The following TPD52 variants were observed in gnomAD, a reference collection of about 807,000 sequenced individuals.
The protein encoded by TPD52 is prostate and colon associated protein.
TPD52 carries 17 observed loss-of-function variants against 31.3 expected under a neutral mutation model. The ratio of observed to expected loss-of-function variants is 0.54; its 90% CI spans 0.37 to 0.82. The LOEUF is 0.82. Ranked by LOEUF, TPD52 falls within the 40% of genes least tolerant of loss-of-function variation. The pLI is 0.00. For synonymous variants in TPD52, 83 were observed against 89.6 expected (o/e 0.93, Z 0.42); for missense variants, 212 against 240.1 (o/e 0.88, Z 0.77).
intron 1 of TPD52, among the ~76,000 whole-genome samples, chr8:80,088,917 G>C (rs12679998): frequency 2.0e-5 from 3 of 152,198 alleles, no homozygotes; most frequent in South Asian, 4.2e-4. Context: ...GGATGGTCTC[G>C]ATCTCCTGAC....
chr8:80,133,033 C>T (rs1225764057), intron 1 of TPD52, among the ~76,000 whole-genome samples: 1 of 152,188 alleles, frequency 6.6e-6, no homozygotes, highest in African/African-American at 2.4e-5. Context: ...AATCTGTTCA[C>T]TGATGAAAAC....
intron 1 of TPD52, among the ~76,000 whole-genome samples, chr8:80,076,194 A>T (rs895595742): frequency 6.6e-6 from 1 of 152,232 alleles, no homozygotes; most frequent in Admixed American, 6.5e-5. Flanking sequence ...TATCACAAAG[A>T]CACATGCATG....
intron 1 of TPD52, among the ~76,000 whole-genome samples, chr8:80,068,225 G>A (rs937142753): frequency 1.7e-4 from 26 of 152,216 alleles, no homozygotes; most frequent in Admixed American, 1.7e-3. Context: ...CCATCCGAGA[G>A]GAGTATTTTT....
intron 1 of TPD52, among the ~76,000 whole-genome samples, chr8:80,134,483 C>T (rs1809250520): frequency 6.6e-6 from 1 of 152,202 alleles, no homozygotes; most frequent in South Asian, 2.1e-4. Context: ...TTAAGAAAAG[C>T]TCCAAGTCAT....
chr8:80,076,481 C>T (rs959634109), intron 1 of TPD52, among the ~76,000 whole-genome samples: 10 of 144,656 alleles, frequency 6.9e-5, no homozygotes, highest in African/African-American at 1.8e-4. Context: ...AAGAGGGGAA[C>T]AAATGACACT....
At position 80,086,206 on chromosome 8, in the gene TPD52, C is replaced by T. The variant is rs552551463; in HGVS notation, c.20-21613G>A. Among the ~76,000 whole-genome samples the T allele has an allele frequency of 3.8e-4, 56 of 148,756 alleles. No individual in the cohort carries two copies. In the South Asian group the frequency reaches 0.01, roughly 27 times the overall value. On this transcript the variant is annotated intron_variant, in intron 1 of 7. Coordinates refer to ENST00000518937, the MANE Select transcript of TPD52 (RefSeq NM_001025253.3). ...GATCTTGACTCACCACAACCTCCGC[C>T]TCCCCGGTTTAAGTGATTCTCCTAA...
intron 1 of TPD52, among the ~76,000 whole-genome samples, chr8:80,100,870 C>T (rs1806678141): frequency 6.6e-6 from 1 of 152,212 alleles, no homozygotes; most frequent in South Asian, 2.1e-4. Flanking sequence ...AGAAGTCAAT[C>T]TGCTTTACTC....
At chr8:80,109,268 A>G (rs1807342000) in intron 1 of TPD52, among the ~76,000 whole-genome samples, 2 of 152,152 alleles carry the variant, frequency 1.3e-5, no homozygotes, top group South Asian at 4.1e-4. Context: ...GTTCAATCTG[A>G]TTCCCTATCA....
chr8:80,113,823 A>C (rs1468748878), intron 1 of TPD52, among the ~76,000 whole-genome samples: 1 of 152,200 alleles, frequency 6.6e-6, no homozygotes, highest in African/African-American at 2.4e-5. Context: ...AGAAATGATA[A>C]ATGTTTGTGG....
In TPD52 at chr8:80,170,134, G is replaced by A. The variant is rs902129747; in HGVS notation, c.19+1291C>T. Among the ~76,000 whole-genome samples the A allele has an allele frequency of 2.0e-5, 3 of 152,304 alleles. No individual in the cohort carries two copies. In the East Asian group the frequency reaches 5.8e-4, roughly 29 times the overall value. On this transcript the variant is annotated intron_variant, in intron 1 of 7. Coordinates refer to ENST00000518937, the MANE Select transcript of TPD52 (RefSeq NM_001025253.3). ...ACAAGTAAATGAAAGTAAAGTACAGGCCTGGCCCAGTGGCTCACACCTGTA... is the reference window on the plus strand; with the variant it reads ...ACAAGTAAATGAAAGTAAAGTACAGACCTGGCCCAGTGGCTCACACCTGTA...
intron 1 of TPD52, among the ~76,000 whole-genome samples, chr8:80,065,656 A>C (rs980413147): frequency 1.3e-5 from 2 of 152,016 alleles, no homozygotes; most frequent in African/African-American, 4.8e-5. Flanking sequence ...TGATGAACAA[A>C]AATGCCAAAA....
chr8:80,163,720 A>C (rs1361514377), intron 1 of TPD52, among the ~76,000 whole-genome samples: 2 of 152,174 alleles, frequency 1.3e-5, no homozygotes, highest in Non-Finnish European at 2.9e-5. Flanking sequence ...ACCTCCTTTG[A>C]CCTGTCTATG....
intron 1 of TPD52, among the ~76,000 whole-genome samples, chr8:80,117,733 T>TC (rs1491216918): frequency 2.1e-4 from 20 of 94,068 alleles, no homozygotes; most frequent in Admixed American, 1.7e-3. Flanking sequence ...TTTTTTTCTT[T>TC]CTTTTTTTTT....
chr8:80,085,012 T>A (rs910123174), intron 1 of TPD52, among the ~76,000 whole-genome samples: 1 of 152,196 alleles, frequency 6.6e-6, no homozygotes, highest in Non-Finnish European at 1.5e-5. Flanking sequence ...TATATAAAAA[T>A]ATTTATGAAT....
At chr8:80,110,592 GA>G (rs58385552) in intron 1 of TPD52, among the ~76,000 whole-genome samples, 1,519 of 141,732 alleles carry the variant, frequency 0.011, 26 homozygotes, top group African/African-American at 0.034. Flanking sequence ...ATAAATAAAT[GA>G]AAAAAAAAAA....
intron 5 of TPD52, among the ~76,000 whole-genome samples, chr8:80,048,703 T>G (rs1811099583): frequency 6.6e-6 from 1 of 152,258 alleles, no homozygotes; most frequent in Non-Finnish European, 1.5e-5. Flanking sequence ...CTTCTTGGCC[T>G]TGAAATTATT....
intron 1 of TPD52, among the ~76,000 whole-genome samples, chr8:80,112,911 G>A (rs1416743470): frequency 6.6e-6 from 1 of 152,118 alleles, no homozygotes; most frequent in Non-Finnish European, 1.5e-5. Context: ...GAGATATATT[G>A]GGGATGGGAA....
intron 2 of TPD52, among the ~76,000 whole-genome samples, chr8:80,060,062 G>A (rs1392180556): frequency 1.3e-5 from 2 of 148,818 alleles, no homozygotes; most frequent in Non-Finnish European, 3.0e-5. Context: ...AGCCACCTGG[G>A]TGACAGAGCA....
chr8:80,129,752 T>A (rs1808892821), intron 1 of TPD52, among the ~76,000 whole-genome samples: 1 of 142,784 alleles, frequency 7.0e-6, no homozygotes, highest in African/African-American at 2.7e-5. Context: ...CAGGCTGGAG[T>A]GCAGTGGCGC....
Sources: allele counts gnomAD v4.1 joint callset (sites outside exome capture counted in the v4.1 genomes callset), GRCh38; gene constraint gnomAD v4.1.1; transcripts MANE v1.5; gene names NCBI Gene and HGNC (gene_info 2026-07-23, HGNC 2026-07-21).